RCSD1: variants seen among roughly 807,000 people sequenced by gnomAD.
RCSD1 encodes the protein RCSD domain containing 1.
In RCSD1, 26 loss-of-function variants were observed where a neutral mutation model predicts 42.5. The ratio of observed to expected loss-of-function variants is 0.61; its 90% confidence interval spans 0.45 to 0.85. The LOEUF is 0.85. RCSD1 is among the 40% of genes least tolerant of loss of function. The pLI, the probability that RCSD1 is intolerant of heterozygous loss-of-function variation, is 0.00. For synonymous variants in RCSD1, 220 were observed against 212.2 expected (o/e 1.04, Z -0.32); for missense variants, 571 against 528.3 (o/e 1.08, Z -0.79).
intron 1 of RCSD1, among the ~76,000 whole-genome samples, chr1:167,639,164 C>A (rs536961081): frequency 6.6e-6 from 1 of 152,128 alleles, no homozygotes; most frequent in Non-Finnish European, 1.5e-5. Flanking sequence ...TTGCAGTGAG[C>A]AGAGATCACG....
At chr1:167,630,521 A>G (rs1229133857) in intron 1 of RCSD1, 92 bp downstream of exon 1, 3 of 1,310,602 alleles carry the variant, frequency 2.3e-6, no homozygotes, top group Non-Finnish European at 3.0e-6. Context: ...CTGAGCATGG[A>G]GCACGCGGCT....
At chr1:167,632,207 A>C (rs1254062459) in intron 1 of RCSD1, among the ~76,000 whole-genome samples, 1 of 152,210 alleles carries the variant, frequency 6.6e-6, no homozygotes, top group East Asian at 1.9e-4. Flanking sequence ...AAGTCTCCTT[A>C]AGAAATTGTT....
At position 167,674,003 on chromosome 1, in the gene RCSD1, T is replaced by C. The variant is rs117966505; in HGVS notation, c.7-9897T>C. Among the ~76,000 whole-genome samples the C allele has an allele frequency of 9.1e-4, 138 of 152,378 alleles. No individual in the cohort carries two copies. The East Asian group carries it at 0.011, about 12-fold the overall frequency. ...TTTCCCAATTGCAGCAATGGCCTGT[T>C]TTCATTCTGATAGTTTTATTACAAG... On this transcript the variant is annotated intron_variant, in intron 1 of 6. Transcript: ENST00000367854.
intron 1 of RCSD1, among the ~76,000 whole-genome samples, chr1:167,678,095 C>T (rs1658992805): frequency 6.6e-6 from 1 of 152,206 alleles, no homozygotes; most frequent in Non-Finnish European, 1.5e-5. Context: ...AGTCCCCTCA[C>T]ATTGAGAATG....
intron 1 of RCSD1, among the ~76,000 whole-genome samples, chr1:167,676,690 G>A (rs1311469608): frequency 6.6e-6 from 1 of 152,154 alleles, no homozygotes; most frequent in African/African-American, 2.4e-5. Context: ...ATGGTCCCCT[G>A]CTGGCACCTG....
intron 1 of RCSD1, among the ~76,000 whole-genome samples, chr1:167,653,891 T>C (rs1215703991): frequency 6.6e-6 from 1 of 151,866 alleles, no homozygotes; most frequent in Non-Finnish European, 1.5e-5. Context: ...GGCAGGAAAA[T>C]GCGTAATAGG....
chr1:167,693,968 T>G, intron 4 of RCSD1, 131 bp from the exon 5 acceptor site: 1 of 761,444 alleles, frequency 1.3e-6, no homozygotes, highest in Non-Finnish European at 2.2e-6. Context: ...GATAATGGGT[T>G]GGGAAGTAGC....
chr1:167,648,591 G>T (rs987518544), intron 1 of RCSD1, among the ~76,000 whole-genome samples: 1 of 152,250 alleles, frequency 6.6e-6, no homozygotes, highest in Non-Finnish European at 1.5e-5. Context: ...GAGTGGATAG[G>T]AGGGGAGCAC....
chr1:167,637,089 C>G (rs1049449548), intron 1 of RCSD1, among the ~76,000 whole-genome samples: 2 of 152,108 alleles, frequency 1.3e-5, no homozygotes, highest in Admixed American at 6.6e-5. Context: ...GCCTGGGGCT[C>G]AGGGAGGGCT....
chr1:167,686,942 T>C (rs1659249921), intron 3 of RCSD1, among the ~76,000 whole-genome samples: 1 of 152,222 alleles, frequency 6.6e-6, no homozygotes, highest in Non-Finnish European at 1.5e-5. Flanking sequence ...ACAAAATCAC[T>C]AACCAGATAG....
At chr1:167,695,538 ATTTT>A (rs34867466) in intron 5 of RCSD1, among the ~76,000 whole-genome samples, 7 of 141,030 alleles carry the variant, frequency 5.0e-5, no homozygotes, top group African/African-American at 7.9e-5. Flanking sequence ...TTACACACTA[ATTTT>A]TTTTTTTTTT....
chr1:167,635,208 T>C (rs1657807398), intron 1 of RCSD1, among the ~76,000 whole-genome samples: 1 of 152,096 alleles, frequency 6.6e-6, no homozygotes, highest in African/African-American at 2.4e-5. Flanking sequence ...CTGAGCCATA[T>C]GTTGGCTGCT....
intron 1 of RCSD1, among the ~76,000 whole-genome samples, chr1:167,668,057 A>T (rs1225098421): frequency 6.6e-6 from 1 of 152,140 alleles, no homozygotes; most frequent in Non-Finnish European, 1.5e-5. Flanking sequence ...TTAGGAGGCC[A>T]AGGCGGATGG....
At chr1:167,692,197 T>C (rs1464290022) in intron 4 of RCSD1, among the ~76,000 whole-genome samples, 1 of 152,230 alleles carries the variant, frequency 6.6e-6, no homozygotes, top group African/African-American at 2.4e-5. Context: ...TCGTTGGGAA[T>C]ATGTGGGAGA....
intron 1 of RCSD1, among the ~76,000 whole-genome samples, chr1:167,648,476 G>C (rs1438112971): frequency 6.6e-6 from 1 of 152,196 alleles, no homozygotes; most frequent in Non-Finnish European, 1.5e-5. Flanking sequence ...AGATGTGCCA[G>C]GTAGGAGACA....
chr1:167,634,773 C>G (rs1229392), intron 1 of RCSD1, among the ~76,000 whole-genome samples: 89,419 of 152,074 alleles, frequency 0.59, 26,417 homozygotes, highest in East Asian at 0.71. Flanking sequence ...ATCCTTTTCT[C>G]TGGGGTAACT....
chr1:167,643,357 A>G (rs1301669477), intron 1 of RCSD1, among the ~76,000 whole-genome samples: 2 of 152,224 alleles, frequency 1.3e-5, no homozygotes, highest in Non-Finnish European at 2.9e-5. Flanking sequence ...AACCTTTCCA[A>G]TATAGGACAA....
intron 1 of RCSD1, among the ~76,000 whole-genome samples, chr1:167,647,117 T>G (rs1571675076): frequency 6.7e-4 from 48 of 71,770 alleles, no homozygotes; most frequent in East Asian, 2.1e-3. Flanking sequence ...GCAAAAAGAG[T>G]GAAACTCCAT....
At chr1:167,695,163 G>A (rs575643966) in intron 5 of RCSD1, among the ~76,000 whole-genome samples, 3 of 152,332 alleles carry the variant, frequency 2.0e-5, no homozygotes, top group East Asian at 1.9e-4. Flanking sequence ...TGAGCCTGCC[G>A]GCTAGGGCCA....
Sources: allele counts gnomAD v4.1 joint callset (sites outside exome capture counted in the v4.1 genomes callset), GRCh38; gene constraint gnomAD v4.1.1; transcripts MANE v1.5; gene names NCBI Gene and HGNC (gene_info 2026-07-23, HGNC 2026-07-21).